Variants in SYN2 observed in about 807,000 individuals in gnomAD.
The protein encoded by SYN2 is synapsin-2.
In SYN2, 19 loss-of-function variants were observed where a neutral mutation model predicts 50.9. The observed-to-expected ratio is 0.37, with a 90% confidence interval of 0.26 to 0.55. The LOEUF (loss-of-function observed/expected upper bound fraction) is 0.55, where lower values mean the gene tolerates loss of function less well. SYN2 is among the 20% of genes least tolerant of loss of function. The pLI, the probability that SYN2 is intolerant of heterozygous loss-of-function variation, is 0.81. For synonymous variants in SYN2, 255 were observed against 224.9 expected (o/e 1.13, Z -1.20); for missense variants, 587 against 576.4 (o/e 1.02, Z -0.19).
At chr3:12,086,047 G>A (rs755842175) in intron 1 of SYN2, among the ~76,000 whole-genome samples, 2 of 152,054 alleles carry the variant, frequency 1.3e-5, no homozygotes, top group South Asian at 4.1e-4. Flanking sequence ...ACCCAGAAAT[G>A]GAAGAGTGGA....
intron 1 of SYN2, among the ~76,000 whole-genome samples, chr3:12,100,288 G>A (rs1696043593): frequency 6.6e-6 from 1 of 152,118 alleles, no homozygotes; most frequent in Non-Finnish European, 1.5e-5. Context: ...CATAAGGATA[G>A]ACATATAGAT....
Position 12,169,739 on chromosome 3 carries a change from G to A in SYN2, c.1159-18G>A. The A allele has an allele frequency of 1.2e-6, 2 of 1,613,370 alleles. No homozygotes were observed. Among genetic ancestry groups the A allele is most frequent in the Non-Finnish European group, 8.5e-7 (1 of 1,179,626 alleles). ...GTTTCCAGACCCCTTTCCTCACCTGGGACACATCTCCCACCAGGTCATGGA... is the reference window on the plus strand; with the variant it reads ...GTTTCCAGACCCCTTTCCTCACCTGAGACACATCTCCCACCAGGTCATGGA... On this transcript the variant is annotated intron_variant, in intron 9 of 12. Transcript: ENST00000621198.
At chr3:12,066,270 TG>T (rs1225776303) in intron 1 of SYN2, among the ~76,000 whole-genome samples, 2 of 152,142 alleles carry the variant, frequency 1.3e-5, no homozygotes, top group Admixed American at 6.5e-5. Context: ...AAGCTAGGCT[TG>T]GGGATTGTGG....
In SYN2 at chr3:12,187,596, C is replaced by G; in HGVS notation, c.1597C>G (p.Pro533Ala). 1 of 1,549,822 alleles carries G rather than the reference C, an allele frequency of 6.5e-7. No individual in the cohort carries two copies. Among genetic ancestry groups the G allele is most frequent in the Non-Finnish European group, 8.7e-7 (1 of 1,145,168 alleles). Residue 533 changes from proline (P) to alanine (A), a missense_variant, in exon 12 of 13, where the codon CCT becomes GCT. Transcript: ENST00000621198. ...GGCTGCTCCACCACAGAAGCCCCAG[C>G]CTCACCCACAGCTCAAGTAAGAGAC... The part of the protein sequence containing the change: ...PLAAPPQKPQ[P>A]HPQLNKSQSL...
intron 1 of SYN2, among the ~76,000 whole-genome samples, chr3:12,048,833 C>G (rs1359267241): frequency 1.3e-5 from 2 of 152,288 alleles, no homozygotes; most frequent in Admixed American, 6.5e-5. Flanking sequence ...CTAAGTTTGT[C>G]CAATTCTGGA....
chr3:12,017,840 G>A (rs183811664), intron 1 of SYN2, among the ~76,000 whole-genome samples: 20 of 152,310 alleles, frequency 1.3e-4, no homozygotes, highest in African/African-American at 3.1e-4. Context: ...AACAAACCTA[G>A]ATGAATATTC....
intron 1 of SYN2, among the ~76,000 whole-genome samples, chr3:12,127,788 C>T (rs1490691361): frequency 6.6e-6 from 1 of 152,200 alleles, no homozygotes; most frequent in African/African-American, 2.4e-5. Flanking sequence ...GATCAAGTCT[C>T]CTTTGCTAAC....
intron 1 of SYN2, among the ~76,000 whole-genome samples, chr3:12,100,367 G>A (rs1457750341): frequency 1.3e-5 from 2 of 152,132 alleles, no homozygotes; most frequent in Admixed American, 6.5e-5. Flanking sequence ...TGACAAGAGT[G>A]CCAAAATAAT....
intron 1 of SYN2, among the ~76,000 whole-genome samples, chr3:12,093,219 A>G (rs1461242472): frequency 6.6e-6 from 1 of 152,166 alleles, no homozygotes; most frequent in Admixed American, 6.5e-5. Flanking sequence ...TATTGAACAG[A>G]TTCTGGAGAA....
At chr3:12,067,484 C>T (rs1695239053) in intron 1 of SYN2, among the ~76,000 whole-genome samples, 1 of 152,132 alleles carries the variant, frequency 6.6e-6, no homozygotes, top group African/African-American at 2.4e-5. Context: ...AACATCAATT[C>T]ATAAATAAGA....
At chr3:12,142,102 C>A in intron 3 of SYN2, 106 bp downstream of exon 3, 1 of 703,740 alleles carries the variant, frequency 1.4e-6, no homozygotes, top group South Asian at 1.5e-5. Flanking sequence ...GATAGCAGTG[C>A]TATGTATGGT....
intron 1 of SYN2, chr3:12,070,225 A>G (rs1254913564): frequency 7.2e-6 from 3 of 415,894 alleles, no homozygotes; most frequent in Non-Finnish European, 1.4e-5. Flanking sequence ...GCCTGTCACA[A>G]TGGAAGAAGA....
intron 1 of SYN2, among the ~76,000 whole-genome samples, chr3:12,065,385 C>G (rs1287046796): frequency 6.6e-6 from 1 of 151,814 alleles, no homozygotes; most frequent in African/African-American, 2.4e-5. Flanking sequence ...ATTGTTCTAC[C>G]AAAAAAACAC....
At chr3:12,130,226 A>G (rs1696764548) in intron 1 of SYN2, among the ~76,000 whole-genome samples, 1 of 104,848 alleles carries the variant, frequency 9.5e-6, no homozygotes, top group Non-Finnish European at 2.1e-5. Flanking sequence ...ATGTGTATGC[A>G]TCTCTGTGTG....
chr3:12,113,175 T>C lies in SYN2; in HGVS notation c.378-27476T>C, dbSNP rs139131079. 2.0e-4 allele frequency among the ~76,000 whole-genome samples: 31 copies of C among 152,302 alleles called. No individual in the cohort carries two copies. In the East Asian group the frequency reaches 3.3e-3, roughly 16 times the overall value. ...ATATTTGTGGTCCAGATCAGCATCC[T>C]AGTTCTTGTACCAATATCTTCATGC... On this transcript the variant is annotated intron_variant, in intron 1 of 12. Transcript: ENST00000621198.
chr3:12,038,174 G>A (rs948725207), intron 1 of SYN2, among the ~76,000 whole-genome samples: 2 of 151,950 alleles, frequency 1.3e-5, no homozygotes, highest in African/African-American at 2.4e-5. Context: ...TTCCTCTATT[G>A]AATTGTCTTG....
intron 5 of SYN2, chr3:12,156,825 A>T: frequency 6.2e-7 from 1 of 1,613,842 alleles, no homozygotes; most frequent in Non-Finnish European, 8.5e-7. Context: ...CTTACCAGTC[A>T]AGAGATACTG....
chr3:12,110,529 T>G (rs983703973), intron 1 of SYN2, among the ~76,000 whole-genome samples: 1 of 152,234 alleles, frequency 6.6e-6, no homozygotes, highest in Non-Finnish European at 1.5e-5. Context: ...TCTGCACTGC[T>G]GTAGCAGAGG....
chr3:12,169,633 G>C (rs2125243634), intron 9 of SYN2, 124 bp from the exon 10 acceptor site: 1 of 1,063,052 alleles, frequency 9.4e-7, no homozygotes, highest in South Asian at 1.6e-5. Context: ...CAGCTGAAGA[G>C]AAGAACTCCT....
Sources: gnomAD v4.1 joint callset for allele counts (sites outside exome capture counted in the v4.1 genomes callset) on GRCh38, gnomAD v4.1.1 for gene constraint, MANE v1.5 for transcripts, NCBI Gene and HGNC (gene_info 2026-07-23, HGNC 2026-07-21) for gene names.